Variants in ABHD12 observed in about 807,000 individuals in gnomAD.
The protein encoded by ABHD12 is abhydrolase domain containing 12, lysophospholipase.
A neutral mutation model predicts 58.3 loss-of-function variants in ABHD12; 43 were observed. That is an observed-to-expected ratio of 0.74 (90% confidence interval 0.58 to 0.95). The LOEUF (loss-of-function observed/expected upper bound fraction) is 0.95, where lower values mean the gene tolerates loss of function less well. ABHD12 is among the 40% of genes least tolerant of loss of function. ABHD12 has a pLI of 0.00. For synonymous variants in ABHD12, 219 were observed against 211.2 expected, an observed-to-expected ratio of 1.04 and a Z score of -0.32; for missense variants, 539 against 537.2, an observed-to-expected ratio of 1.00 and a Z score of -0.03.
chr20:25,325,355 G>T (rs1188450093), intron 2 of ABHD12, among the ~76,000 whole-genome samples: 1 of 152,176 alleles, frequency 6.6e-6, no homozygotes, highest in Non-Finnish European at 1.5e-5. Flanking sequence ...CCTGTTATGG[G>T]CTGAGTTGTG....
chr20:25,308,506 G>A lies in ABHD12; in HGVS notation c.750-12C>T, dbSNP rs9680101. ...GATTTGTCGCCACGCTAGGAAAAAA[G>A]AAAAACAGCTTAGTTGAGTTATGAT... On this transcript the variant is annotated splice_polypyrimidine_tract_variant and intron_variant, in intron 7 of 12. Coordinates refer to ENST00000339157, the MANE Select transcript of ABHD12 (RefSeq NM_001042472.3). 1.2e-5 allele frequency: 20 copies of A among 1,607,470 alleles called. No homozygotes were observed. In the Admixed American group the frequency reaches 2.7e-4, roughly 22 times the overall value.
intron 1 of ABHD12, among the ~76,000 whole-genome samples, chr20:25,349,151 AAG>A (rs904905453): frequency 1.3e-5 from 2 of 152,200 alleles, no homozygotes; most frequent in Admixed American, 6.5e-5. Context: ...CGGGGAAAAT[AAG>A]AGAGCACATT....
chr20:25,326,068 C>CT (rs2089170305), intron 2 of ABHD12, among the ~76,000 whole-genome samples: 2 of 115,382 alleles, frequency 1.7e-5, no homozygotes, highest in Admixed American at 2.1e-4. Flanking sequence ...GAGACTCTGT[C>CT]CAAAAAAAAA....
At chr20:25,295,771 C>T, downstream of ABHD12, 1 of 1,358,238 alleles carries the variant, frequency 7.4e-7, no homozygotes, top group Non-Finnish European at 1.0e-6. Context: ...GATTCTTGGC[C>T]TGGGCCAGAG....
rs773318622 is a variant in ABHD12 at position 25,303,642 on chromosome 20, A to T, written c.951-14T>A. ...ATGTGCTTCACGCTGTAGGAGGGAG[A>T]AGGGGCTAGACCAAGACCAGGGAAA... On this transcript the variant is annotated splice_polypyrimidine_tract_variant and intron_variant, in intron 10 of 12. Coordinates refer to ENST00000339157, the MANE Select transcript of ABHD12 (RefSeq NM_001042472.3). 3.1e-6 allele frequency: 5 copies of T among 1,613,284 alleles called. No homozygotes were observed. In the African/African-American group the frequency reaches 6.7e-5, roughly 21 times the overall value.
intron 1 of ABHD12, chr20:25,368,166 C>G: frequency 1.1e-6 from 1 of 931,820 alleles, no homozygotes; most frequent in Non-Finnish European, 1.6e-6. Context: ...GGAACTGCAG[C>G]AAGAGCACAA....
At chr20:25,337,547 A>G (rs1188331806) in intron 2 of ABHD12, among the ~76,000 whole-genome samples, 1 of 152,210 alleles carries the variant, frequency 6.6e-6, no homozygotes, top group Non-Finnish European at 1.5e-5. Flanking sequence ...AAGAAAATCT[A>G]TTCAATTCAA....
In ABHD12 at chr20:25,308,334, C is replaced by T. The variant is rs371474566; in HGVS notation, c.787+123G>A. 1.5e-3 allele frequency: 1,913 copies of T among 1,302,956 alleles called. 3 individuals carry two copies. Among genetic ancestry groups the T allele is most frequent in the Middle Eastern group, 2.8e-3 (11 of 3,944 alleles). The allele number at this position is 1,302,956 out of a possible 1,614,324, so 80.7% of individuals were successfully genotyped here. A position where few individuals can be genotyped will look rare whatever the true frequency, so the allele number is the denominator to read the frequency against. On this transcript the variant is annotated intron_variant, in intron 8 of 12. Transcript: ENST00000339157. Reference sequence around the variant, plus strand: ...CATGGGAAGGGTGGCTGGTCAGCCCCGGGCCCCCCAGAATGTGCAGCTCAT... The same window carrying T: ...CATGGGAAGGGTGGCTGGTCAGCCCTGGGCCCCCCAGAATGTGCAGCTCAT...
At chr20:25,385,331 C>CAAAAAAAAAAAAAAAAAAA (rs11477490) in intron 1 of ABHD12, among the ~76,000 whole-genome samples, 1 of 51,716 alleles carries the variant, frequency 1.9e-5, no homozygotes, top group Non-Finnish European at 3.4e-5. Context: ...GAGTGAGACT[C>CAAAAAAAAAAAAAAAAAAA]AAAAAAAAAA....
At chr20:25,383,469 C>G (rs1387204585) in intron 1 of ABHD12, among the ~76,000 whole-genome samples, 1 of 152,178 alleles carries the variant, frequency 6.6e-6, no homozygotes, top group African/African-American at 2.4e-5. Flanking sequence ...CAAATTAGAC[C>G]AGTCATGCCT....
chr20:25,323,306 A>G lies in ABHD12; in HGVS notation c.422+19T>C. 1 of 1,537,276 alleles carries G rather than the reference A, an allele frequency of 6.5e-7. No individual in the cohort carries two copies. On this transcript the variant is annotated intron_variant, in intron 3 of 12. Transcript: ENST00000339157. Reference sequence around the variant, plus strand: ...CCTTTCCTGCTGCTGGAGGGGCTGCAGAGCTCACTGGCACTCACCAGACTC... The same window carrying G: ...CCTTTCCTGCTGCTGGAGGGGCTGCGGAGCTCACTGGCACTCACCAGACTC...
At chr20:25,313,494 C>A (rs1284972968) in intron 6 of ABHD12, among the ~76,000 whole-genome samples, 1 of 152,110 alleles carries the variant, frequency 6.6e-6, no homozygotes, top group Admixed American at 6.5e-5. Context: ...CCTTTGTTCA[C>A]TTGTTTATCT....
At chr20:25,312,465 T>A (rs1276756412) in intron 6 of ABHD12, among the ~76,000 whole-genome samples, 2 of 103,920 alleles carry the variant, frequency 1.9e-5, no homozygotes, top group African/African-American at 7.2e-5. Flanking sequence ...GCAGACGGAG[T>A]CTCGTTCACT....
chr20:25,296,388 A>G (rs778859092), downstream of ABHD12: 1 of 1,614,072 alleles, frequency 6.2e-7, no homozygotes, highest in Non-Finnish European at 8.5e-7. Flanking sequence ...GGAGTGGACC[A>G]AGAAGGTCAT....
chr20:25,339,875 T>C lies in ABHD12; in HGVS notation c.192-524A>G, dbSNP rs2089432311. 8.6e-6 allele frequency: 7 copies of C among 817,676 alleles called. No homozygotes were observed. In the South Asian group the frequency reaches 1.2e-4, roughly 14 times the overall value. 50.7% of individuals were successfully genotyped at this position (817,676 alleles called of 1,614,324 possible). A position where few individuals can be genotyped will look rare whatever the true frequency, so the allele number is the denominator to read the frequency against. On this transcript the variant is annotated intron_variant, in intron 1 of 12. Transcript: ENST00000339157. ...GGCTAAGAACTGGCACGGTGTGTCCTTGCATTTACGCGTGGGCGAGCCCCT... is the reference window on the plus strand; with the variant it reads ...GGCTAAGAACTGGCACGGTGTGTCCCTGCATTTACGCGTGGGCGAGCCCCT...
chr20:25,363,452 C>T (rs915374986), intron 1 of ABHD12, among the ~76,000 whole-genome samples: 10 of 151,070 alleles, frequency 6.6e-5, no homozygotes, highest in South Asian at 2.1e-4. Context: ...CTCCTGACCT[C>T]GTGATCCACT....
intron 1 of ABHD12, among the ~76,000 whole-genome samples, chr20:25,385,119 T>A (rs1444083006): frequency 6.6e-6 from 1 of 151,842 alleles, no homozygotes; most frequent in Non-Finnish European, 1.5e-5. Context: ...GGGTGGAACA[T>A]CTGAGGTTGG....
At chr20:25,303,302 A>AC (rs3215644) in intron 11 of ABHD12, 2 of 1,369,046 alleles carry the variant, frequency 1.5e-6, no homozygotes, top group East Asian at 3.0e-5. Flanking sequence ...TATTTTTCAT[A>AC]TTCTTGGAGA....
chr20:25,303,193 G>C lies in ABHD12; in HGVS notation c.1029+357C>G, dbSNP rs937210465. ...GGTTCTTTGCCTTCAGCCCATAACTGATGAGCCCTTCCAGCTGAGTTCCCA... is the reference window on the plus strand; with the variant it reads ...GGTTCTTTGCCTTCAGCCCATAACTCATGAGCCCTTCCAGCTGAGTTCCCA... On this transcript the variant is annotated intron_variant, in intron 11 of 12. Transcript: ENST00000339157. The C allele has an allele frequency of 9.3e-6, 11 of 1,186,188 alleles. No homozygotes were observed. In the African/African-American group the frequency reaches 1.7e-4, roughly 19 times the overall value. The allele number at this position is 1,186,188 out of a possible 1,614,324, so 73.5% of individuals were successfully genotyped here.
Sources: gnomAD v4.1 joint callset for allele counts (sites outside exome capture counted in the v4.1 genomes callset) on GRCh38, gnomAD v4.1.1 for gene constraint, MANE v1.5 for transcripts, NCBI Gene and HGNC (gene_info 2026-07-23, HGNC 2026-07-21) for gene names.